CELF1: variants seen among roughly 807,000 people sequenced by gnomAD.
CELF1 encodes the protein CUGBP Elav-like family member 1.
A neutral mutation model predicts 61.8 loss-of-function variants in CELF1; 10 were observed. The ratio of observed to expected loss-of-function variants is 0.16; its 90% CI spans 0.10 to 0.27. The LOEUF (loss-of-function observed/expected upper bound fraction) is 0.27. Ranked by LOEUF, CELF1 falls within the 10% of genes least tolerant of loss-of-function variation. CELF1 has a pLI of 1.00. For synonymous variants in CELF1, 236 were observed against 225.1 expected (o/e 1.05, Z -0.43); for missense variants, 380 against 639.1 (o/e 0.59, Z 4.37).
At chr11:47,512,724 G>C (rs962231511) in intron 1 of CELF1, among the ~76,000 whole-genome samples, 12 of 152,000 alleles carry the variant, frequency 7.9e-5, no homozygotes, top group African/African-American at 2.9e-4. Flanking sequence ...ATTACTTTTT[G>C]GTCAGCTTGC....
At chr11:47,517,026 T>C (rs1169379900) in intron 1 of CELF1, among the ~76,000 whole-genome samples, 3 of 152,116 alleles carry the variant, frequency 2.0e-5, no homozygotes, top group Non-Finnish European at 2.9e-5. Context: ...TTGGGAGGAC[T>C]GCTTGAGCCC....
rs116011051 is a variant in CELF1 at position 47,501,117 on chromosome 11, T to A, written c.-153-185A>T. Among the ~76,000 whole-genome samples the A allele has an allele frequency of 5.6e-3, 849 of 152,342 alleles. 8 individuals carry two copies. The highest frequency in any genetic ancestry group is 0.02 in the African/African-American group (813 of 41,584). On this transcript the variant is annotated intron_variant, in intron 1 of 14. Transcript: ENST00000687097. ...TTCTGTCCATGTCCAGACGTCATCATCCAAAATCTAGAACTGTACTGTAAC... is the reference window on the plus strand; with the variant it reads ...TTCTGTCCATGTCCAGACGTCATCAACCAAAATCTAGAACTGTACTGTAAC...
At chr11:47,487,269 A>T in intron 4 of CELF1, 28 bp from the exon 5 acceptor site, 1 of 1,559,602 alleles carries the variant, frequency 6.4e-7, no homozygotes, top group Non-Finnish European at 8.8e-7. Context: ...TCATAAAATC[A>T]AACTTTGGAA....
intron 3 of CELF1, among the ~76,000 whole-genome samples, chr11:47,491,008 C>T (rs1294248027): frequency 1.3e-5 from 2 of 150,128 alleles, no homozygotes; most frequent in South Asian, 2.1e-4. Flanking sequence ...ATTACAGGCG[C>T]GTGTCACCAT....
chr11:47,536,145 A>C (rs546247452), intron 1 of CELF1, among the ~76,000 whole-genome samples: 1 of 151,980 alleles, frequency 6.6e-6, no homozygotes, highest in South Asian at 2.1e-4. Context: ...GAGGCAGGTG[A>C]ATCACTTGAG....
In CELF1 at chr11:47,472,111, G is replaced by C; in HGVS notation, c.*119C>G. ...TTCAGGGCAAGCTGTGCCTGCGAGA[G>C]TGGCAGGGATCAGGGTCCAGGGCTG... On this transcript the variant is annotated 3_prime_UTR_variant, in exon 15 of 15. Coordinates refer to ENST00000687097, the MANE Select transcript of CELF1 (RefSeq NM_001376376.1). 8.4e-7 allele frequency: 1 copy of C among 1,193,382 alleles called. No homozygotes were observed. Among genetic ancestry groups the C allele is most frequent in the Non-Finnish European group, 1.2e-6 (1 of 839,498 alleles). The allele number at this position is 1,193,382 out of a possible 1,614,324, so 73.9% of individuals were successfully genotyped here.
At position 47,529,077 on chromosome 11, in the gene CELF1, CT is replaced by C. The variant is rs1162581463; in HGVS notation, c.-154+23914del. Among the ~76,000 whole-genome samples the C allele has an allele frequency of 2.3e-3, 301 of 133,620 alleles. 1 individual carries two copies. Among genetic ancestry groups the C allele is most frequent in the South Asian group, 7.9e-3 (33 of 4,176 alleles). The allele number at this position is 133,620 out of a possible 152,430, so 87.7% of individuals were successfully genotyped here. Reference sequence around the variant, plus strand: ...GTGCCACCTCACCCAGTTTATTTTACTTTTTTTTTTTTTTTTTTGAGACAGA... The same window carrying C: ...GTGCCACCTCACCCAGTTTATTTTACTTTTTTTTTTTTTTTTTGAGACAGA... On this transcript the variant is annotated intron_variant, in intron 1 of 14. Coordinates refer to ENST00000687097, the MANE Select transcript of CELF1 (RefSeq NM_001376376.1).
At chr11:47,474,216 C>G (rs1223414909) in intron 13 of CELF1, among the ~76,000 whole-genome samples, 5 of 152,152 alleles carry the variant, frequency 3.3e-5, no homozygotes, top group Non-Finnish European at 5.9e-5. Context: ...ATTTTCTAAC[C>G]AAAAAGCTTT....
intron 13 of CELF1, among the ~76,000 whole-genome samples, chr11:47,474,824 G>T (rs2079269799): frequency 6.6e-6 from 1 of 152,112 alleles, no homozygotes; most frequent in Non-Finnish European, 1.5e-5. Flanking sequence ...CTCCTAAATT[G>T]AATACCATTT....
intron 1 of CELF1, among the ~76,000 whole-genome samples, chr11:47,517,479 G>C (rs2095621544): frequency 6.6e-6 from 1 of 152,008 alleles, no homozygotes; most frequent in Admixed American, 6.6e-5. Flanking sequence ...AGCTATTAAA[G>C]AAAATAAGGC....
At chr11:47,474,740 G>A (rs2079234985) in intron 13 of CELF1, among the ~76,000 whole-genome samples, 1 of 152,160 alleles carries the variant, frequency 6.6e-6, no homozygotes, top group East Asian at 1.9e-4. Context: ...TGAGCACAGA[G>A]GTGTCAGCAG....
intron 8 of CELF1, 95 bp from the exon 9 acceptor site, chr11:47,482,951 T>C: frequency 9.3e-7 from 1 of 1,072,370 alleles, no homozygotes; most frequent in Non-Finnish European, 1.3e-6. Context: ...ACATTCTAAT[T>C]TCATTCACTG....
Position 47,472,153 on chromosome 11 carries a change from G to C in CELF1, c.*77C>G, listed in dbSNP as rs1316645457. 13 of 1,560,002 alleles carry C rather than the reference G, an allele frequency of 8.3e-6. No homozygotes were observed. The highest frequency in any genetic ancestry group is 1.1e-5 in the Non-Finnish European group (13 of 1,140,410). ...CCAGGGCTGTCAACACACAGCCTCA[G>C]GGCTTCGAATCATTAAGGGTGCTCC... On this transcript the variant is annotated 3_prime_UTR_variant, in exon 15 of 15. Transcript: ENST00000687097.
chr11:47,486,045 C>T lies in CELF1; in HGVS notation c.391+705G>A, dbSNP rs544999841. The stretch of plus-strand genomic sequence containing the variant: ...GCGTGGTGGCAGGCACCTGTAGTCC[C>T]AGCTACTCGGGAGGCTGAGGCAGGA... On this transcript the variant is annotated intron_variant, in intron 6 of 14. Transcript: ENST00000687097. Among the ~76,000 whole-genome samples the T allele has an allele frequency of 2.2e-3, 261 of 120,528 alleles. 1 individual carries two copies. Among genetic ancestry groups the T allele is most frequent in the Non-Finnish European group, 3.8e-3 (215 of 57,328 alleles). 79.1% of individuals were successfully genotyped at this position (120,528 alleles called of 152,430 possible).
rs2153321660 is a variant in CELF1, at chr11:47,466,499, G to A, written c.*5731C>T. 6.6e-6 allele frequency: 1 copy of A among 151,626 alleles called. No homozygotes were observed. Among genetic ancestry groups the A allele is most frequent in the East Asian group, 1.9e-4 (1 of 5,180 alleles). The allele number at this position is 151,626 out of a possible 1,614,324, so 9.4% of individuals were successfully genotyped here. ...CAAAAAACTGTACAAAACCCCTAGTGTTAAATACAACGTTTGTACCAATAA... is the reference window on the plus strand; with the variant it reads ...CAAAAAACTGTACAAAACCCCTAGTATTAAATACAACGTTTGTACCAATAA... On this transcript the variant is annotated 3_prime_UTR_variant, in exon 15 of 15. Transcript: ENST00000687097.
chr11:47,545,418 G>A (rs576919072), intron 1 of CELF1, among the ~76,000 whole-genome samples: 26 of 152,196 alleles, frequency 1.7e-4, no homozygotes, highest in East Asian at 7.7e-4. Context: ...GCGACAGAGC[G>A]GGACTCTGTC....
intron 3 of CELF1, among the ~76,000 whole-genome samples, chr11:47,489,935 G>GTTTTTTTTTTTTTTGTTTTTTT (rs1555170255): frequency 2.1e-5 from 1 of 48,226 alleles, no homozygotes; most frequent in African/African-American, 7.8e-5. Context: ...ATACCATCTT[G>GTTTTTTTTTTTTTTGTTTTTTT]TTTTTTTTTT....
At chr11:47,533,874 G>A (rs1306749512) in intron 1 of CELF1, among the ~76,000 whole-genome samples, 1 of 148,516 alleles carries the variant, frequency 6.7e-6, no homozygotes, top group African/African-American at 2.5e-5. Context: ...TTGCACAATA[G>A]TTAAATATAT....
At position 47,552,972 on chromosome 11, in the gene CELF1, C is replaced by T. The variant is rs2153786384; in HGVS notation, c.-154+20G>A. The T allele has an allele frequency of 5.0e-6, 2 of 397,580 alleles. No homozygotes were observed. Among genetic ancestry groups the T allele is most frequent in the South Asian group, 2.5e-4 (2 of 7,860 alleles). 24.6% of individuals were successfully genotyped at this position (397,580 alleles called of 1,614,324 possible). A position where few individuals can be genotyped will look rare whatever the true frequency, so the allele number is the denominator to read the frequency against. On this transcript the variant is annotated intron_variant, in intron 1 of 14. Coordinates refer to ENST00000687097, the MANE Select transcript of CELF1 (RefSeq NM_001376376.1). ...CTCCCTCCCTCCCGCGGCCCGTTAT[C>T]CTGCGGCCGCAGCACTCACCAGCGG...
Sources: gnomAD v4.1 joint callset for allele counts (sites outside exome capture counted in the v4.1 genomes callset) on GRCh38, gnomAD v4.1.1 for gene constraint, MANE v1.5 for transcripts, NCBI Gene and HGNC (gene_info 2026-07-23, HGNC 2026-07-21) for gene names.